The following GRIP2 variants were observed in gnomAD, a reference collection of about 807,000 sequenced individuals.
The protein encoded by GRIP2 is glutamate receptor-interacting protein 2.
Under a neutral mutation model 108.3 loss-of-function variants are expected in GRIP2, and 58 were observed. The observed-to-expected ratio is 0.54, with a 90% CI of 0.43 to 0.67. The LOEUF is 0.67. Ranked by LOEUF, GRIP2 falls within the 30% of genes least tolerant of loss-of-function variation. The pLI, the probability that GRIP2 is intolerant of heterozygous loss-of-function variation, is 0.00. For synonymous variants in GRIP2, 586 were observed against 598.2 expected, an observed-to-expected ratio of 0.98 and a Z score of 0.30; for missense variants, 1,278 against 1,430.6, an observed-to-expected ratio of 0.89 and a Z score of 1.72.
the GRIP2 span, among the ~76,000 whole-genome samples, chr3:14,567,019 CACTT>C: frequency 3.3e-5 from 5 of 150,924 alleles, no homozygotes; most frequent in African/African-American, 7.3e-5. Flanking sequence ...CCAAAGGACT[CACTT>C]GAATGAATGA....
chr3:14,528,964 G>A (rs369144130), intron 1 of GRIP2, among the ~76,000 whole-genome samples: 28 of 151,930 alleles, frequency 1.8e-4, no homozygotes, highest in East Asian at 3.9e-4. Flanking sequence ...ACTCTGTGTC[G>A]CACTAAAGTT....
intron 1 of GRIP2, among the ~76,000 whole-genome samples, chr3:14,527,829 G>A (rs1694605804): frequency 6.6e-6 from 1 of 152,180 alleles, no homozygotes; most frequent in Admixed American, 6.5e-5. Context: ...CCAGGAGGCG[G>A]AGGTTGCAGT....
In GRIP2 at chr3:14,514,329, G is replaced by A. The variant is rs1357054139; in HGVS notation, c.1456C>T (p.Leu486Phe). 16 of 1,577,134 alleles carry A rather than the reference G, an allele frequency of 1.0e-5. No homozygotes were observed. The highest frequency in any genetic ancestry group is 5.5e-5 in the Admixed American group (3 of 54,102). Reference protein sequence around the residue: ...FATETLSSPPLVCFIEPDSPA... With the variant: ...FATETLSSPPFVCFIEPDSPA... ...CTGTCAGGCTCGATGAAGCACACGA[G>A]GGGTGGGGAGGACAGGGTCTCGGTG... The change falls in exon 12 of 24, where the codon CTC becomes TTC. Residue 486 changes from leucine (L) to phenylalanine (F), a missense_variant. Transcript: ENST00000621039.
intron 11 of GRIP2, among the ~76,000 whole-genome samples, chr3:14,516,542 T>G (rs1694253410): frequency 6.6e-6 from 1 of 152,252 alleles, no homozygotes; most frequent in Non-Finnish European, 1.5e-5. Flanking sequence ...AACATGTAAA[T>G]ATCTTTATTT....
chr3:14,499,486 C>T (rs769227678), intron 21 of GRIP2, among the ~76,000 whole-genome samples: 9 of 151,860 alleles, frequency 5.9e-5, no homozygotes, highest in Non-Finnish European at 1.0e-4. Flanking sequence ...GAGGCCAAGG[C>T]GGGCGGATCG....
Position 14,520,167 on chromosome 3 carries a change from G to C in GRIP2, c.973C>G (p.Arg325Gly), listed in dbSNP as rs375948443. ...KLLASISEKV[R>G]LEILPVPQSQ... ...TGGGGCACAGGCAGGATCTCCAGCC[G>C]CACCTTCTCTGAAATGCTGGCCAGG... Residue 325 changes from arginine to glycine, a missense_variant, in exon 9 of 24, where the codon CGG becomes GGG. Transcript: ENST00000621039. 1 of 1,611,842 alleles carries C rather than the reference G, an allele frequency of 6.2e-7. No homozygotes were observed. The highest frequency in any genetic ancestry group is 1.3e-5 in the African/African-American group (1 of 74,900).
the GRIP2 span, among the ~76,000 whole-genome samples, chr3:14,590,640 T>C: frequency 6.6e-6 from 1 of 152,186 alleles, no homozygotes; most frequent in African/African-American, 2.4e-5. Context: ...CTCCCTCTAA[T>C]AGCCAGCAGG....
chr3:14,524,947 CCAGGCCTCA>C (rs1694514126), intron 3 of GRIP2, among the ~76,000 whole-genome samples: 1 of 152,166 alleles, frequency 6.6e-6, no homozygotes, highest in Admixed American at 6.5e-5. Flanking sequence ...AGGCTAACTC[CCAGGCCTCA>C]CAGTCCAAGG....
chr3:14,547,272 C>T (rs577174589), intron 1 of GRIP2, among the ~76,000 whole-genome samples: 5 of 152,172 alleles, frequency 3.3e-5, no homozygotes, highest in African/African-American at 1.2e-4. Flanking sequence ...CATTATGTAT[C>T]GAAAGCAGAC....
At chr3:14,597,354 G>C in the GRIP2 span, among the ~76,000 whole-genome samples, 1 of 152,204 alleles carries the variant, frequency 6.6e-6, no homozygotes, top group Non-Finnish European at 1.5e-5. Flanking sequence ...TAGGATGGCA[G>C]GGAAGAGGCA....
intron 1 of GRIP2, among the ~76,000 whole-genome samples, chr3:14,533,830 T>A (rs2124947403): frequency 6.6e-6 from 1 of 152,246 alleles, no homozygotes; most frequent in Middle Eastern, 3.4e-3. Context: ...CTGCTACAAT[T>A]TTTGGCCGGT....
upstream of GRIP2, among the ~76,000 whole-genome samples, chr3:14,546,576 G>A (rs1048876797): frequency 2.0e-5 from 3 of 152,170 alleles, no homozygotes; most frequent in African/African-American, 7.2e-5. Context: ...AATTGCCAGT[G>A]GGAGAGGTCA....
At chr3:14,573,582 C>T in the GRIP2 span, 80 of 1,441,028 alleles carry the variant, frequency 5.6e-5, no homozygotes, top group Non-Finnish European at 7.1e-5. Flanking sequence ...ACAGTACTCC[C>T]GGGAGGTGAT....
intron 11 of GRIP2, 122 bp downstream of exon 11, chr3:14,516,942 C>T: frequency 1.1e-6 from 1 of 920,254 alleles, no homozygotes; most frequent in African/African-American, 1.7e-5. Context: ...ATTTAACATT[C>T]CCACGCATAC....
At chr3:14,523,260 G>A in intron 5 of GRIP2, 185 bp from the exon 6 acceptor site, 1 of 597,520 alleles carries the variant, frequency 1.7e-6, no homozygotes, top group Non-Finnish European at 3.0e-6. Flanking sequence ...TGCAAGGGGT[G>A]GGTAACATGA....
At chr3:14,573,243 C>T in the GRIP2 span, 93 of 1,410,044 alleles carry the variant, frequency 6.6e-5, no homozygotes, top group Non-Finnish European at 9.1e-5. Context: ...GGCCAGGATG[C>T]CAAACTGGGA....
intron 1 of GRIP2, among the ~76,000 whole-genome samples, chr3:14,527,847 G>A (rs1694606125): frequency 6.6e-6 from 1 of 152,120 alleles, no homozygotes; most frequent in Non-Finnish European, 1.5e-5. Context: ...AGTGAGTCAA[G>A]ACCGTGCCAC....
Position 14,520,091 on chromosome 3 carries a change from A to G in GRIP2, c.1030+19T>C. 1 of 1,570,856 alleles carries G rather than the reference A, an allele frequency of 6.4e-7. No individual in the cohort carries two copies. Among genetic ancestry groups the G allele is most frequent in the Non-Finnish European group, 8.6e-7 (1 of 1,159,352 alleles). ...TGACTGCCCAGGTTTGGGCCCTGAGATCTACTGAGGGGACCCACCTGCCTC... is the reference window on the plus strand; with the variant it reads ...TGACTGCCCAGGTTTGGGCCCTGAGGTCTACTGAGGGGACCCACCTGCCTC... On this transcript the variant is annotated intron_variant, in intron 9 of 23. Coordinates refer to ENST00000621039, the MANE Select transcript of GRIP2 (RefSeq NM_001080423.4).
At chr3:14,527,397 G>C (rs913723849) in intron 1 of GRIP2, among the ~76,000 whole-genome samples, 1 of 130,774 alleles carries the variant, frequency 7.6e-6, no homozygotes, top group African/African-American at 2.7e-5. Flanking sequence ...GGAAAGAAAG[G>C]AAAGGAAAGA....
Sources: allele counts gnomAD v4.1 joint callset (sites outside exome capture counted in the v4.1 genomes callset), GRCh38; gene constraint gnomAD v4.1.1; transcripts MANE v1.5; gene names NCBI Gene and HGNC (gene_info 2026-07-23, HGNC 2026-07-21).